Variants in ERICH1 observed in about 807,000 individuals in gnomAD.
The protein encoded by ERICH1 is glutamate-rich protein 1.
In ERICH1, 56 loss-of-function variants were observed where a neutral mutation model predicts 39.6. The observed-to-expected ratio is 1.41, with a 90% CI of 1.14 to 1.77. The LOEUF (loss-of-function observed/expected upper bound fraction) is 1.77. ERICH1 is among the 40% of genes most tolerant of loss of function. The pLI, the probability that ERICH1 is intolerant of heterozygous loss-of-function variation, is 0.00. For missense variants in ERICH1, 826 were observed against 575.4 expected (o/e 1.44, Z -4.45); for synonymous variants, 313 against 223.6 (o/e 1.40, Z -3.57).
At chr8:637,984 C>A (rs577679269) in intron 3 of ERICH1, among the ~76,000 whole-genome samples, 1 of 152,372 alleles carries the variant, frequency 6.6e-6, no homozygotes, top group East Asian at 1.9e-4. Flanking sequence ...CCACTAAGTT[C>A]TGTGGACTGC....
chr8:709,782 G>T (rs1183275953), intron 2 of ERICH1, among the ~76,000 whole-genome samples: 2 of 152,068 alleles, frequency 1.3e-5, no homozygotes, highest in African/African-American at 4.8e-5. Context: ...GAATGAAACT[G>T]GCCTGGAATT....
intron 1 of ERICH1, among the ~76,000 whole-genome samples, chr8:727,945 A>G (rs1819163126): frequency 1.3e-5 from 2 of 152,214 alleles, no homozygotes. Flanking sequence ...CACACACAGC[A>G]GCAGGCGGTG....
chr8:624,778 C>T (rs1412260424), intron 3 of ERICH1, among the ~76,000 whole-genome samples: 1 of 152,000 alleles, frequency 6.6e-6, no homozygotes, highest in Middle Eastern at 3.2e-3. Flanking sequence ...CCAGGCCGGA[C>T]TGCAGTGGCA....
At chr8:694,539 C>T (rs1408699377) in intron 2 of ERICH1, among the ~76,000 whole-genome samples, 8 of 152,174 alleles carry the variant, frequency 5.3e-5, no homozygotes. Context: ...AAACGCACCG[C>T]GCCAGGGAGA....
At chr8:636,291 G>C (rs377554396) in intron 3 of ERICH1, among the ~76,000 whole-genome samples, 1 of 152,208 alleles carries the variant, frequency 6.6e-6, no homozygotes, top group African/African-American at 2.4e-5. Context: ...GGGGTTGCAC[G>C]TCAACTGGGA....
At chr8:653,709 A>G (rs974333455) in intron 3 of ERICH1, among the ~76,000 whole-genome samples, 3 of 152,230 alleles carry the variant, frequency 2.0e-5, no homozygotes, top group Admixed American at 6.5e-5. Flanking sequence ...GGGAGTCTGG[A>G]CACAGGCTAT....
rs1413681665 is a variant in ERICH1 at position 673,908 on chromosome 8, C to A, written c.444G>T (p.Gln148His). Reference sequence around the variant, plus strand: ...TTGTGGTGCCATCTGTGTGCTGTCGCTGAGATTTCTCCTGTAACAGACTCT... The same window carrying A: ...TTGTGGTGCCATCTGTGTGCTGTCGATGAGATTTCTCCTGTAACAGACTCT... ...KQQSLLQEKS[Q>H]RQHTDGTTIS... Residue 148 changes from glutamine (Q) to histidine (H), a missense_variant, in exon 4 of 6, where the codon CAG (glutamine) becomes CAT (histidine). Gln to His is a conservative substitution (Grantham distance 24). Coordinates refer to ENST00000262109, the MANE Select transcript of ERICH1 (RefSeq NM_207332.3). 6.2e-7 allele frequency: 1 copy of A among 1,613,492 alleles called. No homozygotes were observed. The highest frequency in any genetic ancestry group is 1.1e-5 in the South Asian group (1 of 91,024).
chr8:715,057 G>A (rs571743927), intron 2 of ERICH1, among the ~76,000 whole-genome samples: 155 of 151,234 alleles, frequency 1.0e-3, no homozygotes, highest in South Asian at 5.7e-3. Flanking sequence ...CTCTCGGTGG[G>A]ATGTGCCGCA....
At chr8:695,016 G>C (rs1348555218) in intron 2 of ERICH1, among the ~76,000 whole-genome samples, 1 of 152,158 alleles carries the variant, frequency 6.6e-6, no homozygotes, top group African/African-American at 2.4e-5. Context: ...CCTCGGGAAA[G>C]GCAGAGGGGC....
At chr8:720,067 C>G (rs867832126) in intron 1 of ERICH1, among the ~76,000 whole-genome samples, 8 of 152,236 alleles carry the variant, frequency 5.3e-5, no homozygotes, top group Non-Finnish European at 7.3e-5. Flanking sequence ...CCTAGACGTG[C>G]ACCTTGCTCC....
chr8:704,758 A>C (rs933816029), intron 2 of ERICH1, among the ~76,000 whole-genome samples: 4 of 152,326 alleles, frequency 2.6e-5, no homozygotes, highest in Non-Finnish European at 5.9e-5. Context: ...TCCCTGCCAA[A>C]AAAGAAAGAA....
At chr8:675,424 G>C (rs75164674) in intron 3 of ERICH1, among the ~76,000 whole-genome samples, 3 of 14,838 alleles carry the variant, frequency 2.0e-4, no homozygotes, top group Admixed American at 1.0e-3. Flanking sequence ...AGACGCGGCG[G>C]CCCCTCGGCG....
intron 3 of ERICH1, among the ~76,000 whole-genome samples, chr8:685,167 C>A (rs1230861295): frequency 6.6e-6 from 1 of 152,132 alleles, no homozygotes; most frequent in Non-Finnish European, 1.5e-5. Flanking sequence ...CCCCCTCCGT[C>A]CCCCCAGGAA....
At chr8:690,072 G>A (rs1377449325) in intron 3 of ERICH1, among the ~76,000 whole-genome samples, 2 of 152,198 alleles carry the variant, frequency 1.3e-5, no homozygotes, top group Non-Finnish European at 2.9e-5. Flanking sequence ...TGGAGAGCAA[G>A]ACGCAACCCC....
In ERICH1 at chr8:633,497, G is replaced by A. The variant is rs942601558; in HGVS notation, c.977-18213C>T. On this transcript the variant is annotated intron_variant, in intron 3 of 3. Coordinates refer to the ERICH1 transcript ENST00000522706. ...GCCCTCAAAACAATATATCTTCCTG[G>A]GAGAATCTCAAGGATATTTCTCAGA... Among the ~76,000 whole-genome samples, 15 of 152,084 alleles carry A rather than the reference G, an allele frequency of 9.9e-5. 1 individual carries two copies. Among genetic ancestry groups the A allele is most frequent in the Admixed American group, 7.9e-4 (12 of 15,262 alleles).
At chr8:634,791 G>A (rs938586896) in intron 3 of ERICH1, among the ~76,000 whole-genome samples, 1 of 152,216 alleles carries the variant, frequency 6.6e-6, no homozygotes, top group Non-Finnish European at 1.5e-5. Context: ...AAACCCCGCT[G>A]AGCAGCCCAG....
intron 2 of ERICH1, among the ~76,000 whole-genome samples, chr8:701,619 C>G (rs879760399): frequency 1.3e-5 from 2 of 152,214 alleles, no homozygotes; most frequent in Admixed American, 6.5e-5. Context: ...CAGACAACAA[C>G]TGCAAGAGCA....
chr8:701,012 C>G (rs143441023), intron 2 of ERICH1, among the ~76,000 whole-genome samples: 2 of 152,404 alleles, frequency 1.3e-5, no homozygotes, highest in African/African-American at 2.4e-5. Context: ...TGCAGCATCA[C>G]GGACAATGTG....
chr8:674,093 A>G (rs1339104188), intron 3 of ERICH1, 46 bp from the exon 4 acceptor site: 11 of 1,493,618 alleles, frequency 7.4e-6, no homozygotes, highest in Middle Eastern at 2.5e-4. Flanking sequence ...CAATGAAACC[A>G]TAACAAACAT....
Sources: allele counts gnomAD v4.1 joint callset (sites outside exome capture counted in the v4.1 genomes callset), GRCh38; gene constraint gnomAD v4.1.1; transcripts MANE v1.5; gene names NCBI Gene and HGNC (gene_info 2026-07-23, HGNC 2026-07-21).